STK33: variants seen among roughly 807,000 people sequenced by gnomAD.
The protein encoded by STK33 is serine/threonine-protein kinase 33.
Under a neutral mutation model 58.0 loss-of-function variants are expected in STK33, and 52 were observed. The observed-to-expected ratio is 0.90, with a 90% CI of 0.72 to 1.13. STK33 has a LOEUF of 1.13. Ranked by LOEUF, STK33 falls within the 50% of genes most tolerant of loss-of-function variation. STK33 has a pLI of 0.00. For missense variants in STK33, 630 were observed against 604.2 expected, an observed-to-expected ratio of 1.04 and a Z score of -0.45; for synonymous variants, 215 against 200.1, an observed-to-expected ratio of 1.07 and a Z score of -0.63.
chr11:8,408,501 A>C (rs1939657835), intron 15 of STK33, among the ~76,000 whole-genome samples: 1 of 152,200 alleles, frequency 6.6e-6, no homozygotes, highest in African/African-American at 2.4e-5. Context: ...CTTAGAACAA[A>C]AGCCTTGTTT....
chr11:8,507,070 TTAAG>T (rs1390748102), intron 1 of STK33, among the ~76,000 whole-genome samples: 1 of 152,176 alleles, frequency 6.6e-6, no homozygotes, highest in Non-Finnish European at 1.5e-5. Flanking sequence ...CATCAAAATA[TTAAG>T]TAAAAATGAA....
At chr11:8,483,583 AT>A (rs1469128074) in intron 1 of STK33, among the ~76,000 whole-genome samples, 1 of 152,164 alleles carries the variant, frequency 6.6e-6, no homozygotes, top group African/African-American at 2.4e-5. Flanking sequence ...TGGCCACCAA[AT>A]TCAACACTAA....
chr11:8,593,492 C>T (rs2141663084), intron 1 of STK33, among the ~76,000 whole-genome samples: 1 of 152,294 alleles, frequency 6.6e-6, no homozygotes, highest in African/African-American at 2.4e-5. Context: ...AAACCCACGA[C>T]CTTGTGAGAA....
At chr11:8,489,053 G>A (rs1488053755) in intron 1 of STK33, among the ~76,000 whole-genome samples, 1 of 152,064 alleles carries the variant, frequency 6.6e-6, no homozygotes, top group Non-Finnish European at 1.5e-5. Context: ...GATCCCAGGA[G>A]TTCAAGACCA....
intron 15 of STK33, among the ~76,000 whole-genome samples, chr11:8,395,928 C>A (rs544111209): frequency 6.6e-6 from 1 of 152,064 alleles, no homozygotes; most frequent in Non-Finnish European, 1.5e-5. Flanking sequence ...TACAAGAGTG[C>A]CTGTTTTCTT....
the STK33 span, among the ~76,000 whole-genome samples, chr11:8,349,634 C>A: frequency 1.3e-5 from 2 of 152,248 alleles, no homozygotes; most frequent in Non-Finnish European, 2.9e-5. Flanking sequence ...CTGGAGTTGA[C>A]ATCCCTGGGG....
the STK33 span, among the ~76,000 whole-genome samples, chr11:8,385,544 T>C: frequency 1.3e-5 from 2 of 152,230 alleles, no homozygotes; most frequent in East Asian, 1.9e-4. Flanking sequence ...TCCTCTATGA[T>C]AGCACTCTAT....
At chr11:8,385,870 G>A in the STK33 span, among the ~76,000 whole-genome samples, 2 of 152,040 alleles carry the variant, frequency 1.3e-5, no homozygotes, top group African/African-American at 2.4e-5. Flanking sequence ...CGCCTCCCGG[G>A]TTCACGCCAT....
the STK33 span, among the ~76,000 whole-genome samples, chr11:8,341,728 G>A: frequency 2.6e-5 from 4 of 152,166 alleles, no homozygotes; most frequent in African/African-American, 7.2e-5. Context: ...AGACCCAAAT[G>A]TAACCCCTCC....
the STK33 span, among the ~76,000 whole-genome samples, chr11:8,385,905 G>A: frequency 6.6e-6 from 1 of 152,014 alleles, no homozygotes; most frequent in Non-Finnish European, 1.5e-5. Context: ...CTCCCGAGTA[G>A]CTGGGACTAC....
intron 15 of STK33, among the ~76,000 whole-genome samples, chr11:8,399,052 G>A (rs1849896489): frequency 6.6e-6 from 1 of 152,134 alleles, no homozygotes; most frequent in Admixed American, 6.5e-5. Flanking sequence ...ACATTAGACA[G>A]ATCAACGAGA....
chr11:8,449,099 G>A (rs575064321), intron 11 of STK33, among the ~76,000 whole-genome samples: 17 of 151,712 alleles, frequency 1.1e-4, no homozygotes, highest in Admixed American at 1.1e-3. Context: ...TCTCACACCA[G>A]TTAGAATGGC....
At chr11:8,576,020 A>T (rs1958156801) in intron 1 of STK33, among the ~76,000 whole-genome samples, 1 of 152,146 alleles carries the variant, frequency 6.6e-6, no homozygotes, top group Non-Finnish European at 1.5e-5. Flanking sequence ...AGACTAACTC[A>T]ATCTAGTTAG....
the STK33 span, among the ~76,000 whole-genome samples, chr11:8,342,835 C>G: frequency 6.6e-6 from 1 of 152,196 alleles, no homozygotes; most frequent in Non-Finnish European, 1.5e-5. Context: ...TAAGACCTGG[C>G]TTTCCTTGTG....
At chr11:8,355,054 C>A in the STK33 span, among the ~76,000 whole-genome samples, 1 of 152,260 alleles carries the variant, frequency 6.6e-6, no homozygotes, top group Non-Finnish European at 1.5e-5. Context: ...GTTCAAGCAG[C>A]GGCCGCTGCC....
At chr11:8,433,117 A>G (rs1342904803) in intron 14 of STK33, among the ~76,000 whole-genome samples, 1 of 152,230 alleles carries the variant, frequency 6.6e-6, no homozygotes, top group Non-Finnish European at 1.5e-5. Flanking sequence ...TTCTGCAGTG[A>G]TCTAGCTGCT....
chr11:8,416,228 T>G (rs777301198), intron 14 of STK33, among the ~76,000 whole-genome samples: 2 of 152,186 alleles, frequency 1.3e-5, no homozygotes, highest in African/African-American at 2.4e-5. Flanking sequence ...TGACTGGGAA[T>G]GCTGACACTA....
chr11:8,398,079 G>C (rs1164512976), intron 15 of STK33, among the ~76,000 whole-genome samples: 2 of 152,136 alleles, frequency 1.3e-5, no homozygotes, highest in African/African-American at 4.8e-5. Flanking sequence ...TAGCAAGGCA[G>C]GCCAACATTC....
the STK33 span, among the ~76,000 whole-genome samples, chr11:8,371,341 G>C: frequency 1.3e-5 from 2 of 152,054 alleles, no homozygotes; most frequent in African/African-American, 4.8e-5. Context: ...GAGACTGGAG[G>C]GATGCTGCCA....
Sources: gnomAD v4.1 joint callset for allele counts (sites outside exome capture counted in the v4.1 genomes callset) on GRCh38, gnomAD v4.1.1 for gene constraint, MANE v1.5 for transcripts, NCBI Gene and HGNC (gene_info 2026-07-23, HGNC 2026-07-21) for gene names.